CSMD1: variants seen among roughly 807,000 people sequenced by gnomAD.
CSMD1 encodes CUB and sushi domain-containing protein 1.
A neutral mutation model predicts 417.5 loss-of-function variants in CSMD1; 213 were observed. The ratio of observed to expected loss-of-function variants is 0.51; its 90% CI spans 0.46 to 0.57. The LOEUF (loss-of-function observed/expected upper bound fraction) is 0.57. Among genes scored for constraint, CSMD1 ranks in the 20% least tolerant of loss-of-function variants. The pLI is 0.00. For synonymous variants in CSMD1, 2,862 were observed against 1,736.8 expected, an observed-to-expected ratio of 1.65 and a Z score of -16.11; for missense variants, 6,923 against 4,529.7, an observed-to-expected ratio of 1.53 and a Z score of -15.17.
intron 7 of CSMD1, among the ~76,000 whole-genome samples, chr8:3,703,759 C>T (rs931205): frequency 6.6e-6 from 1 of 152,070 alleles, no homozygotes; most frequent in Non-Finnish European, 1.5e-5. Flanking sequence ...CTATGGCCAG[C>T]TATTACATAC....
At chr8:4,366,079 C>T (rs893204906) in intron 3 of CSMD1, among the ~76,000 whole-genome samples, 12 of 152,094 alleles carry the variant, frequency 7.9e-5, no homozygotes, top group Non-Finnish European at 1.3e-4. Flanking sequence ...TGAGCCTCTC[C>T]TACCCTCCCC....
At chr8:3,229,167 C>T (rs1026028315) in intron 27 of CSMD1, among the ~76,000 whole-genome samples, 64 of 152,196 alleles carry the variant, frequency 4.2e-4, no homozygotes, top group African/African-American at 1.5e-3. Context: ...CCACAAACCC[C>T]CTCAAGGTCA....
chr8:3,964,484 T>G (rs1433602871), intron 5 of CSMD1, among the ~76,000 whole-genome samples: 2 of 152,200 alleles, frequency 1.3e-5, no homozygotes, highest in Admixed American at 1.3e-4. Context: ...TTGCCGCATT[T>G]GTATTCTCTT....
intron 3 of CSMD1, among the ~76,000 whole-genome samples, chr8:4,148,038 A>G (rs1003553036): frequency 6.6e-6 from 1 of 152,052 alleles, no homozygotes; most frequent in Non-Finnish European, 1.5e-5. Flanking sequence ...CTGTTCTATG[A>G]CCTTTACGGT....
At chr8:4,254,202 C>A (rs1386764046) in intron 3 of CSMD1, among the ~76,000 whole-genome samples, 2 of 152,104 alleles carry the variant, frequency 1.3e-5, no homozygotes, top group Non-Finnish European at 2.9e-5. Flanking sequence ...CAGGTGTGAG[C>A]CACCACGCCA....
intron 10 of CSMD1, among the ~76,000 whole-genome samples, chr8:3,514,461 C>G (rs1797205028): frequency 1.3e-5 from 2 of 152,144 alleles, no homozygotes; most frequent in Non-Finnish European, 2.9e-5. Flanking sequence ...GGGTCATCCC[C>G]ACTGAAGAAC....
At position 4,797,697 on chromosome 8, in the gene CSMD1, C is replaced by T. The variant is rs554460519; in HGVS notation, c.86-160139G>A. The stretch of plus-strand genomic sequence containing the variant: ...ATAGGAATGCTTTCCTTAAGATTCA[C>T]AAGCAACAAAGATACCTCCTTAACT... On this transcript the variant is annotated intron_variant, in intron 1 of 69. Transcript: ENST00000635120. Among the ~76,000 whole-genome samples the T allele has an allele frequency of 1.1e-4, 16 of 152,244 alleles. No homozygotes were observed. The East Asian group carries it at 3.1e-3, about 29-fold the overall frequency.
chr8:3,733,624 C>T (rs937134623), intron 6 of CSMD1, among the ~76,000 whole-genome samples: 6 of 151,976 alleles, frequency 3.9e-5, no homozygotes, highest in Non-Finnish European at 5.9e-5. Context: ...GCCTCGGTCC[C>T]GAATCATTCC....
At chr8:4,532,750 A>T (rs1478692856) in intron 2 of CSMD1, among the ~76,000 whole-genome samples, 1 of 122,056 alleles carries the variant, frequency 8.2e-6, no homozygotes, top group Admixed American at 9.6e-5. Context: ...GAAATCCTGC[A>T]CCCCCATTCA....
chr8:4,425,624 C>G (rs1030145838), intron 2 of CSMD1, among the ~76,000 whole-genome samples: 3 of 152,034 alleles, frequency 2.0e-5, no homozygotes, highest in African/African-American at 7.2e-5. Flanking sequence ...TCCATGAGGG[C>G]CCTTGCGATA....
rs1274689877 is a variant in CSMD1, at chr8:4,019,163, A to T, written c.610+12742T>A. On this transcript the variant is annotated intron_variant, in intron 4 of 69. Coordinates refer to ENST00000635120, the MANE Select transcript of CSMD1 (RefSeq NM_033225.6). ...ACTTAAAGAAAAAGGAAAGAAACAC[A>T]AAAAGCAGCTCAACAGTCCAAGACA... Among the ~76,000 whole-genome samples, 4 of 152,200 alleles carry T rather than the reference A, an allele frequency of 2.6e-5. No individual in the cohort carries two copies. In the East Asian group the frequency reaches 7.7e-4, roughly 29 times the overall value.
Position 4,649,819 on chromosome 8 carries a change from G to C in CSMD1, c.86-12261C>G, listed in dbSNP as rs144627687. Among the ~76,000 whole-genome samples, 1,441 of 152,278 alleles carry C rather than the reference G, an allele frequency of 9.5e-3. 11 individuals are homozygous for C. The highest frequency in any genetic ancestry group is 0.015 in the Non-Finnish European group (1,005 of 68,008). ...GTTTTATTTCATAAGTAACTATTCT[G>C]ACCTGATACTACAATATGAGTTATG... On this transcript the variant is annotated intron_variant, in intron 1 of 69. Coordinates refer to ENST00000635120, the MANE Select transcript of CSMD1 (RefSeq NM_033225.6).
At chr8:3,862,189 T>A (rs1233408155) in intron 5 of CSMD1, among the ~76,000 whole-genome samples, 2 of 152,218 alleles carry the variant, frequency 1.3e-5, no homozygotes, top group Admixed American at 1.3e-4. Context: ...ATAGCAGGTT[T>A]TTCTAACTCT....
intron 50 of CSMD1, among the ~76,000 whole-genome samples, chr8:3,042,938 A>C (rs1811205539): frequency 6.6e-6 from 1 of 151,850 alleles, no homozygotes; most frequent in Non-Finnish European, 1.5e-5. Context: ...TATATAGTAT[A>C]TATAGTGATA....
intron 6 of CSMD1, among the ~76,000 whole-genome samples, chr8:3,737,544 A>G (rs1254599866): frequency 6.6e-6 from 1 of 152,192 alleles, no homozygotes; most frequent in East Asian, 1.9e-4. Context: ...CTTTTTACCA[A>G]TCTCCTTGCA....
At chr8:4,974,558 G>GAA (rs945167411) in intron 1 of CSMD1, among the ~76,000 whole-genome samples, 1 of 151,890 alleles carries the variant, frequency 6.6e-6, no homozygotes, top group Non-Finnish European at 1.5e-5. Context: ...TACAATCTTT[G>GAA]AAAAAAGATT....
intron 33 of CSMD1, among the ~76,000 whole-genome samples, chr8:3,196,866 T>G (rs1796734156): frequency 1.3e-5 from 2 of 152,084 alleles, no homozygotes; most frequent in Non-Finnish European, 2.9e-5. Flanking sequence ...GGCACGAAAC[T>G]AAAGATAAGA....
intron 52 of CSMD1, among the ~76,000 whole-genome samples, chr8:3,009,674 T>C (rs1808230165): frequency 6.6e-6 from 1 of 152,128 alleles, no homozygotes; most frequent in African/African-American, 2.4e-5. Context: ...AAGTGCAATC[T>C]CTAGGGGCAA....
chr8:4,106,242 C>T (rs543257564), intron 3 of CSMD1, among the ~76,000 whole-genome samples: 7 of 152,276 alleles, frequency 4.6e-5, no homozygotes, highest in African/African-American at 1.7e-4. Flanking sequence ...CTATAAACTT[C>T]CGAGCAGGAT....
Sources: allele counts gnomAD v4.1 joint callset (sites outside exome capture counted in the v4.1 genomes callset), GRCh38; gene constraint gnomAD v4.1.1; transcripts MANE v1.5; gene names NCBI Gene and HGNC (gene_info 2026-07-23, HGNC 2026-07-21).